The following CCDC88A variants were observed in gnomAD, a reference collection of about 807,000 sequenced individuals.
The protein encoded by CCDC88A is coiled-coil and HOOK domain protein 88A, also known as girdin.
In CCDC88A, 54 loss-of-function variants were observed where a neutral mutation model predicts 234.3. The ratio of observed to expected loss-of-function variants is 0.23; its 90% confidence interval spans 0.19 to 0.29. The LOEUF is 0.29. Ranked by LOEUF, CCDC88A falls within the 10% of genes least tolerant of loss-of-function variation. The pLI, the probability that CCDC88A is intolerant of heterozygous loss-of-function variation, is 1.00. For synonymous variants in CCDC88A, 753 were observed against 737.8 expected, an observed-to-expected ratio of 1.02 and a Z score of -0.33; for missense variants, 1,832 against 2,123.4, an observed-to-expected ratio of 0.86 and a Z score of 2.70.
At chr2:55,336,381 T>C (rs1325457577) in intron 14 of CCDC88A, among the ~76,000 whole-genome samples, 1 of 152,032 alleles carries the variant, frequency 6.6e-6, no homozygotes, top group East Asian at 1.9e-4. Context: ...CCAACTCCAC[T>C]CAGGGACTCT....
rs1015095155 is a variant in CCDC88A at position 55,309,917 on chromosome 2, T to C, written c.4080-663A>G. ...ATATAATATTGTGTGTGTGTATATA[T>C]ATAAAATGACTATATAATCCAAGGT... On this transcript the variant is annotated intron_variant, in intron 23 of 32. Transcript: ENST00000436346. This position sits in a 1 kb window ranked among gnomAD's most constrained non-coding sequence, Gnocchi z 5.1. 6.6e-6 allele frequency among the ~76,000 whole-genome samples: 1 copy of C among 152,248 alleles called. No individual in the cohort carries two copies. Among genetic ancestry groups the C allele is most frequent in the East Asian group, 1.9e-4 (1 of 5,182 alleles).
At chr2:55,375,503 ATATATATATGTATG>A (rs1181343873) in intron 3 of CCDC88A, among the ~76,000 whole-genome samples, 7,535 of 25,746 alleles carry the variant, frequency 0.29, 371 homozygotes, top group Non-Finnish European at 0.35. Context: ...ATATATATAT[ATATATATATGTATG>A]TATGTATAAA....
chr2:55,382,257 A>C (rs181678448), intron 3 of CCDC88A, among the ~76,000 whole-genome samples: 1 of 152,210 alleles, frequency 6.6e-6, no homozygotes, highest in African/African-American at 2.4e-5. Context: ...AAAAACCTAA[A>C]AAGTGTCTAT....
chr2:55,419,301 C>T lies in CCDC88A; in HGVS notation c.-222G>A. 9.4e-6 allele frequency: 5 copies of T among 530,628 alleles called. No individual in the cohort carries two copies. The East Asian group carries it at 1.6e-4, about 17-fold the overall frequency. 32.9% of individuals were successfully genotyped at this position (530,628 alleles called of 1,614,324 possible). The stretch of plus-strand genomic sequence containing the variant: ...CTTCGACGACGGACACCACGAGCAG[C>T]AGCCTGCGCTGGAAATGTCTGTACC... On this transcript the variant is annotated 5_prime_UTR_variant, in exon 1 of 33. Transcript: ENST00000436346.
chr2:55,381,922 G>T (rs1054820124), intron 3 of CCDC88A, among the ~76,000 whole-genome samples: 2 of 152,078 alleles, frequency 1.3e-5, no homozygotes, highest in Non-Finnish European at 2.9e-5. Context: ...TTTGAGACTC[G>T]TATAATCTAC....
chr2:55,384,347 T>G (rs1016238480), intron 3 of CCDC88A, among the ~76,000 whole-genome samples: 3 of 144,852 alleles, frequency 2.1e-5, no homozygotes, highest in African/African-American at 5.0e-5. Context: ...AATCCAGAAG[T>G]GTATATATAT....
At chr2:55,370,975 C>T (rs911470995) in intron 5 of CCDC88A, among the ~76,000 whole-genome samples, 1 of 152,038 alleles carries the variant, frequency 6.6e-6, no homozygotes, top group East Asian at 1.9e-4. Context: ...GATCATGACA[C>T]TGCACTCCTG....
At chr2:55,358,068 C>T (rs181724922) in intron 7 of CCDC88A, among the ~76,000 whole-genome samples, 13 of 152,244 alleles carry the variant, frequency 8.5e-5, no homozygotes, top group South Asian at 2.1e-4. Context: ...CTTTAGAGTT[C>T]CTACTCAGCC....
chr2:55,317,302 T>G lies in CCDC88A; in HGVS notation c.3650A>C (p.Lys1217Thr). ...KQKGQLEDLE[K>T]MLKVEQEKML... ...TTTTTCCTGTTCTACTTTGAGCATT[T>G]TTTCCAAATCTTCCAACTGTCCTTT... Residue 1217 changes from lysine (K) to threonine (T), a missense_variant, in exon 21 of 33, where the codon AAA becomes ACA. Lys to Thr is a moderately conservative substitution (Grantham distance 78, BLOSUM62 -1). Coordinates refer to ENST00000436346, the MANE Select transcript of CCDC88A (RefSeq NM_001365480.1). The surrounding 1 kb of genome is among the most constrained non-coding windows in gnomAD (Gnocchi z 4.2). The G allele has an allele frequency of 6.5e-7, 1 of 1,547,902 alleles. No homozygotes were observed. The highest frequency in any genetic ancestry group is 8.8e-7 in the Non-Finnish European group (1 of 1,142,756).
rs2104596834 is a variant in CCDC88A at position 55,309,343 on chromosome 2, T to G, written c.4080-89A>C. ...TATTTGGTGACTGTGATCTAATGTC[T>G]CCCCAAAACATAAAAAAATACAGAT... On this transcript the variant is annotated intron_variant, in intron 23 of 32. Transcript: ENST00000436346. The surrounding 1 kb of genome is among the most constrained non-coding windows in gnomAD (Gnocchi z 5.1). 1 of 571,046 alleles carries G rather than the reference T, an allele frequency of 1.8e-6. No homozygotes were observed. Among genetic ancestry groups the G allele is most frequent in the South Asian group, 2.9e-5 (1 of 35,050 alleles). 35.4% of individuals were successfully genotyped at this position (571,046 alleles called of 1,614,324 possible). A position where few individuals can be genotyped will look rare whatever the true frequency, so the allele number is the denominator to read the frequency against.
intron 2 of CCDC88A, among the ~76,000 whole-genome samples, chr2:55,402,464 T>C (rs1678864294): frequency 1.3e-5 from 2 of 152,200 alleles, no homozygotes. Context: ...GATATTCTTC[T>C]TTGATATTAC....
intron 31 of CCDC88A, chr2:55,295,357 A>T: frequency 6.5e-7 from 1 of 1,528,256 alleles, no homozygotes; most frequent in South Asian, 1.2e-5. Context: ...GGCTGAGATG[A>T]ATGGGCCACA....
chr2:55,315,455 T>C (rs1682870655), intron 22 of CCDC88A: 2 of 152,358 alleles, frequency 1.3e-5, no homozygotes. Context: ...AGGTTGTTTT[T>C]GACAGTTCTG....
chr2:55,294,443 T>TTA, intron 31 of CCDC88A: 1 of 874,758 alleles, frequency 1.1e-6, no homozygotes, highest in Non-Finnish European at 1.4e-6. Context: ...TGAAAAATGT[T>TTA]TTATAAATAT....
intron 23 of CCDC88A, among the ~76,000 whole-genome samples, chr2:55,310,800 G>A (rs1682252558): frequency 1.3e-5 from 2 of 152,140 alleles, no homozygotes; most frequent in South Asian, 2.1e-4. Flanking sequence ...TCTGAGGCCT[G>A]CAGAAGAGTT....
intron 2 of CCDC88A, among the ~76,000 whole-genome samples, chr2:55,416,435 AATAAATAAAT>A (rs1216290235): frequency 1.7e-3 from 50 of 29,606 alleles, no homozygotes; most frequent in African/African-American, 4.9e-3. Context: ...CAAATAAATA[AATAAATAAAT>A]ATATATATAT....
At position 55,328,401 on chromosome 2, in the gene CCDC88A, T is replaced by C. The variant is rs1374228300; in HGVS notation, c.2890A>G (p.Thr964Ala). The C allele has an allele frequency of 1.3e-6, 2 of 1,586,654 alleles. No homozygotes were observed. Among genetic ancestry groups the C allele is most frequent in the African/African-American group, 2.7e-5 (2 of 73,794 alleles). The change falls in exon 17 of 33, where the codon ACT (threonine) becomes GCT (alanine). Residue 964 changes from threonine (T) to alanine (A), a missense_variant. Thr to Ala is a moderately conservative substitution (Grantham distance 58). Coordinates refer to ENST00000436346, the MANE Select transcript of CCDC88A (RefSeq NM_001365480.1). This position sits in a 1 kb window ranked among gnomAD's most constrained non-coding sequence, Gnocchi z 4.3. ...YKLLESKLES[T>A]LKKSLEIKEE... The stretch of plus-strand genomic sequence containing the variant: ...TTTATTTCAAGAGACTTCTTAAGAG[T>C]GGATTCTAATTTTGATTCCAAAAGT...
Position 55,332,489 on chromosome 2 carries a change from T to C in CCDC88A, c.2855+77A>G. 6.5e-7 allele frequency: 1 copy of C among 1,541,872 alleles called. No homozygotes were observed. ...GAAATATATAAATGTTTTCTATAGCTAGTACAGAAAGAATTCATGTATGAG... is the reference window on the plus strand; with the variant it reads ...GAAATATATAAATGTTTTCTATAGCCAGTACAGAAAGAATTCATGTATGAG... On this transcript the variant is annotated intron_variant, in intron 16 of 32. Coordinates refer to ENST00000436346, the MANE Select transcript of CCDC88A (RefSeq NM_001365480.1). The surrounding 1 kb of genome is among the most constrained non-coding windows in gnomAD (Gnocchi z 4.5).
intron 17 of CCDC88A, 198 bp from the exon 18 acceptor site, chr2:55,322,890 T>C (rs971677500): frequency 8.9e-5 from 34 of 379,966 alleles, no homozygotes; most frequent in Middle Eastern, 1.4e-3. Flanking sequence ...ACTCTACTTA[T>C]GTGCCAGAGT....
Sources: allele counts gnomAD v4.1 joint callset (sites outside exome capture counted in the v4.1 genomes callset), GRCh38; gene constraint gnomAD v4.1.1; non-coding constraint Gnocchi (gnomAD v3.1); transcripts MANE v1.5; gene names NCBI Gene and HGNC (gene_info 2026-07-23, HGNC 2026-07-21).